Variants in RFX7 observed in about 807,000 individuals in gnomAD.
RFX7 encodes DNA-binding protein RFX7.
In RFX7, 26 loss-of-function variants were observed where a neutral mutation model predicts 111.8. That is an observed-to-expected ratio of 0.23 (90% confidence interval 0.17 to 0.32). RFX7 has a LOEUF of 0.32. Among genes scored for constraint, RFX7 ranks in the 10% least tolerant of loss-of-function variants. The pLI is 1.00. For synonymous variants in RFX7, 624 were observed against 624.4 expected, an observed-to-expected ratio of 1.00 and a Z score of 0.01; for missense variants, 1,573 against 1,772.9, an observed-to-expected ratio of 0.89 and a Z score of 2.02.
intron 3 of RFX7, among the ~76,000 whole-genome samples, chr15:56,159,733 C>T (rs773494379): frequency 1.3e-5 from 2 of 152,034 alleles, no homozygotes; most frequent in African/African-American, 2.4e-5. Flanking sequence ...CTGTTTGCTC[C>T]GGACATCTGT....
rs201660854 is a variant in RFX7, at chr15:56,229,998, C to T, written c.161+13127G>A. ...TACCTCCTTCCTTATCTGCCCTCAC[C>T]GACAGGCTTCCTTTGCCACCTTCAG... On this transcript the variant is annotated intron_variant, in intron 2 of 9. Transcript: ENST00000559447. Among the ~76,000 whole-genome samples the T allele has an allele frequency of 9.9e-5, 15 of 152,226 alleles. No homozygotes were observed. In the East Asian group the frequency reaches 1.4e-3, roughly 14 times the overall value.
intron 3 of RFX7, among the ~76,000 whole-genome samples, chr15:56,158,188 G>A (rs1329394515): frequency 1.3e-5 from 2 of 152,048 alleles, no homozygotes; most frequent in African/African-American, 2.4e-5. Context: ...AGCTATAGTG[G>A]GTAAGGTATA....
In RFX7 at chr15:56,122,035, G is replaced by A. The variant is rs547047789; in HGVS notation, c.402-18365C>T. Among the ~76,000 whole-genome samples, 8 of 152,198 alleles carry A rather than the reference G, an allele frequency of 5.3e-5. No homozygotes were observed. The South Asian group carries it at 1.2e-3, about 24-fold the overall frequency. Reference sequence around the variant, plus strand: ...TGGTCCCTGGTGCCTTATTTAGTTCGTTTGGTGAGGTCATGTTTTTCTGAA... The same window carrying A: ...TGGTCCCTGGTGCCTTATTTAGTTCATTTGGTGAGGTCATGTTTTTCTGAA... On this transcript the variant is annotated intron_variant, in intron 5 of 9. Coordinates refer to ENST00000559447, the MANE Select transcript of RFX7 (RefSeq NM_022841.7).
chr15:56,243,306 G>A lies in RFX7; in HGVS notation c.-2-19C>T, dbSNP rs2043733935. On this transcript the variant is annotated intron_variant, in intron 1 of 9. Coordinates refer to ENST00000559447, the MANE Select transcript of RFX7 (RefSeq NM_022841.7). ...GCCATCGCTGCAGAGGGGTGGGAGG[G>A]AGGGAGGGAAAGATGGGGGCGCGGG... is the stretch of plus-strand genomic sequence containing the variant. 5 of 861,760 alleles carry A rather than the reference G, an allele frequency of 5.8e-6. No individual in the cohort carries two copies. The highest frequency in any genetic ancestry group is 5.2e-5 in the South Asian group (3 of 57,494). 53.4% of individuals were successfully genotyped at this position (861,760 alleles called of 1,614,324 possible). A position where few individuals can be genotyped will look rare whatever the true frequency, so the allele number is the denominator to read the frequency against.
At chr15:56,110,266 TGG>T (rs1260734555) in intron 5 of RFX7, among the ~76,000 whole-genome samples, 2,420 of 14,646 alleles carry the variant, frequency 0.17, 236 homozygotes, top group East Asian at 0.38. Context: ...GGGAGGGAGG[TGG>T]GGGGGGGTCA....
rs1595913910 is a variant in RFX7, at chr15:56,087,684, G to A, written c.*5661C>T. On this transcript the variant is annotated 3_prime_UTR_variant, in exon 10 of 10. Coordinates refer to ENST00000559447, the MANE Select transcript of RFX7 (RefSeq NM_022841.7). Reference sequence around the variant, plus strand: ...GAAGAAGGGGAGAATGCATACTACTGGTAAGTATCCGCCTCTGCTATAGTG... The same window carrying A: ...GAAGAAGGGGAGAATGCATACTACTAGTAAGTATCCGCCTCTGCTATAGTG... 2.5e-6 allele frequency: 1 copy of A among 400,570 alleles called. No individual in the cohort carries two copies. Among genetic ancestry groups the A allele is most frequent in the East Asian group, 7.2e-5 (1 of 13,966 alleles). 24.8% of individuals were successfully genotyped at this position (400,570 alleles called of 1,614,324 possible).
chr15:56,232,726 G>T (rs2043578353), intron 2 of RFX7, among the ~76,000 whole-genome samples: 1 of 152,146 alleles, frequency 6.6e-6, no homozygotes, highest in African/African-American at 2.4e-5. Flanking sequence ...GCTTCTGCCA[G>T]ATACCCTAAA....
At chr15:56,100,948 G>C (rs2041743867) in intron 8 of RFX7, among the ~76,000 whole-genome samples, 1 of 152,130 alleles carries the variant, frequency 6.6e-6, no homozygotes, top group African/African-American at 2.4e-5. Context: ...ATAAGCATTA[G>C]TTTCTGGAAT....
intron 2 of RFX7, among the ~76,000 whole-genome samples, chr15:56,218,402 G>A (rs562756180): frequency 6.6e-6 from 1 of 152,036 alleles, no homozygotes; most frequent in Admixed American, 6.5e-5. Flanking sequence ...AAAGTGCTGG[G>A]ATTACAGGCG....
At position 56,234,554 on chromosome 15, in the gene RFX7, C is replaced by T. The variant is rs2043601993; in HGVS notation, c.161+8571G>A. On this transcript the variant is annotated intron_variant, in intron 2 of 9. Transcript: ENST00000559447. ...TATTAATAGATGTAATGACTGCAAT[C>T]AAATTACGGAAGTGATTCACTTACA... Among the ~76,000 whole-genome samples, 3 of 152,150 alleles carry T rather than the reference C, an allele frequency of 2.0e-5. 1 individual carries two copies. The South Asian group carries it at 6.2e-4, about 32-fold the overall frequency.
chr15:56,230,328 TA>T (rs1328184160), intron 2 of RFX7, among the ~76,000 whole-genome samples: 2 of 152,194 alleles, frequency 1.3e-5, no homozygotes, highest in African/African-American at 4.8e-5. Flanking sequence ...CACACATTAT[TA>T]AATCTAGGTA....
intron 7 of RFX7, 104 bp downstream of exon 7, chr15:56,102,065 G>T: frequency 2.6e-6 from 2 of 769,044 alleles, no homozygotes; most frequent in African/African-American, 1.8e-5. Flanking sequence ...ATTTGTAAAA[G>T]GCACAGTCGC....
chr15:56,149,612 T>C lies in RFX7; in HGVS notation c.196-5129A>G, dbSNP rs377665440. ...GGAAGCACAAGGTGTCGGGGAATTT[T>C]CCCCCCTACCCAAGGGAAGCTGTGA... On this transcript the variant is annotated intron_variant, in intron 3 of 9. Transcript: ENST00000559447. 8.9e-4 allele frequency among the ~76,000 whole-genome samples: 136 copies of C among 152,082 alleles called. 2 individuals carry two copies. The South Asian group carries it at 0.027, about 30-fold the overall frequency.
At chr15:56,112,080 A>G (rs1595934361) in intron 5 of RFX7, among the ~76,000 whole-genome samples, 1 of 149,662 alleles carries the variant, frequency 6.7e-6, no homozygotes, top group African/African-American at 2.5e-5. Context: ...TCGCCACTGC[A>G]CTCCAGGCTG....
chr15:56,140,073 G>C (rs1349210438), intron 5 of RFX7, among the ~76,000 whole-genome samples: 2 of 152,076 alleles, frequency 1.3e-5, no homozygotes, highest in African/African-American at 2.4e-5. Flanking sequence ...CTTTTTGTTT[G>C]TCTGTGCCCT....
At chr15:56,118,095 T>C (rs144592401) in intron 5 of RFX7, among the ~76,000 whole-genome samples, 7 of 152,258 alleles carry the variant, frequency 4.6e-5, no homozygotes, top group African/African-American at 1.7e-4. Context: ...ATGGGGTATA[T>C]GGGATACTCT....
chr15:56,236,608 A>G (rs12595496), intron 2 of RFX7, among the ~76,000 whole-genome samples: 19,878 of 152,258 alleles, frequency 0.13, 1,724 homozygotes, highest in East Asian at 0.46. Context: ...TTATTAAAAT[A>G]TCTATCCTAG....
At chr15:56,228,331 T>C (rs1450557778) in intron 2 of RFX7, among the ~76,000 whole-genome samples, 1 of 152,210 alleles carries the variant, frequency 6.6e-6, no homozygotes, top group East Asian at 1.9e-4. Flanking sequence ...ATTATGCTTA[T>C]GTTACACCTT....
intron 2 of RFX7, among the ~76,000 whole-genome samples, chr15:56,214,578 G>A (rs1170763065): frequency 2.0e-5 from 3 of 152,172 alleles, no homozygotes; most frequent in East Asian, 3.9e-4. Context: ...AGCCAGGCGC[G>A]GTGGCGGGCG....
Sources: gnomAD v4.1 joint callset for allele counts (sites outside exome capture counted in the v4.1 genomes callset) on GRCh38, gnomAD v4.1.1 for gene constraint, MANE v1.5 for transcripts, NCBI Gene and HGNC (gene_info 2026-07-23, HGNC 2026-07-21) for gene names.